AFF1: variants seen among roughly 807,000 people sequenced by gnomAD.
AFF1 encodes the protein ALF transcription elongation factor 1, also known as AF4/FMR2 family member 1.
Under a neutral mutation model 121.7 loss-of-function variants are expected in AFF1, and 48 were observed. The observed-to-expected ratio is 0.39, with a 90% CI of 0.31 to 0.50. The LOEUF is 0.50. Ranked by LOEUF, AFF1 falls within the 20% of genes least tolerant of loss-of-function variation. AFF1 has a pLI of 0.76. For missense variants in AFF1, 1,523 were observed against 1,511.7 expected (o/e 1.01, Z -0.12); for synonymous variants, 613 against 563.0 (o/e 1.09, Z -1.26).
chr4:87,063,263 G>A (rs1426825132), intron 4 of AFF1, among the ~76,000 whole-genome samples: 3 of 31,640 alleles, frequency 9.5e-5, no homozygotes, highest in African/African-American at 2.7e-4. Context: ...TTTTGAGACA[G>A]AGTTTTGCTC....
intron 2 of AFF1, among the ~76,000 whole-genome samples, chr4:87,027,784 G>GTTTTTTTT (rs35903702): frequency 2.0e-4 from 18 of 90,600 alleles, no homozygotes; most frequent in African/African-American, 2.2e-4. Context: ...TTGCTGTTGG[G>GTTTTTTTT]TTTTTTTTTT....
intron 2 of AFF1, among the ~76,000 whole-genome samples, chr4:87,009,760 A>G (rs1726543314): frequency 6.6e-6 from 1 of 152,234 alleles, no homozygotes; most frequent in Admixed American, 6.5e-5. Flanking sequence ...GAAACTCTAA[A>G]GCTGGGCCAC....
At chr4:86,967,672 ATAGG>A (rs1000195927) in intron 2 of AFF1, among the ~76,000 whole-genome samples, 3 of 151,542 alleles carry the variant, frequency 2.0e-5, no homozygotes, top group Non-Finnish European at 4.4e-5. Context: ...ATGAGAAAAG[ATAGG>A]TAGGTTGGAT....
chr4:87,029,106 A>G (rs2149578347), intron 2 of AFF1, among the ~76,000 whole-genome samples: 1 of 152,318 alleles, frequency 6.6e-6, no homozygotes, highest in Non-Finnish European at 1.5e-5. Context: ...TTTGTCAGAT[A>G]CCTGGATGCC....
chr4:87,049,679 G>A (rs1731082119), intron 4 of AFF1: 1 of 456,062 alleles, frequency 2.2e-6, no homozygotes, highest in African/African-American at 2.0e-5. Context: ...TAATGCGGTG[G>A]TTCCCTCTGG....
At position 87,084,164 on chromosome 4, in the gene AFF1, G is replaced by A; in HGVS notation, c.1104G>A (p.Lys368=). The A allele has an allele frequency of 6.2e-7, 1 of 1,613,552 alleles. No homozygotes were observed. Among genetic ancestry groups the A allele is most frequent in the Non-Finnish European group, 8.5e-7 (1 of 1,179,610 alleles). The change falls in exon 5 of 21, where the codon AAG becomes AAA. Residue 368 remains lysine (K), a splice_region_variant and synonymous_variant. Coordinates refer to ENST00000395146, the MANE Select transcript of AFF1 (RefSeq NM_001166693.3). Reference sequence around the variant, plus strand: ...TCCATTGTGTTGAAGAGATTCTGAAGGTGAGTTCACTGTTAATCTTTCTCA... The same window carrying A: ...TCCATTGTGTTGAAGAGATTCTGAAAGTGAGTTCACTGTTAATCTTTCTCA... ...NEVHCVEEIL[K]EMTHSWPPPL...
At chr4:87,130,493 T>C (rs1345432182) in intron 16 of AFF1, among the ~76,000 whole-genome samples, 4 of 152,192 alleles carry the variant, frequency 2.6e-5, no homozygotes, top group African/African-American at 9.7e-5. Flanking sequence ...CAATATCTGA[T>C]TTTGTTCATA....
At chr4:86,963,749 T>C (rs930557369) in intron 2 of AFF1, among the ~76,000 whole-genome samples, 2 of 152,052 alleles carry the variant, frequency 1.3e-5, no homozygotes, top group African/African-American at 2.4e-5. Flanking sequence ...TCTATTGATA[T>C]CTTAGTCATC....
At chr4:86,950,623 T>C (rs1721239542) in intron 2 of AFF1, among the ~76,000 whole-genome samples, 1 of 152,188 alleles carries the variant, frequency 6.6e-6, no homozygotes, top group East Asian at 1.9e-4. Flanking sequence ...CCATCCCAAA[T>C]GTTCTCCTAC....
chr4:86,963,353 G>C (rs1420335517), intron 2 of AFF1, among the ~76,000 whole-genome samples: 1 of 152,136 alleles, frequency 6.6e-6, no homozygotes, highest in East Asian at 1.9e-4. Context: ...CAAAGACTTT[G>C]TGGAGAGCCT....
chr4:86,978,301 A>G (rs2149487680), intron 2 of AFF1, among the ~76,000 whole-genome samples: 1 of 145,036 alleles, frequency 6.9e-6, no homozygotes, highest in South Asian at 2.2e-4. Flanking sequence ...CTCCTGCCTC[A>G]GCCTCCCGAA....
chr4:87,085,751 C>CTTT lies in AFF1; in HGVS notation c.1104+1600_1104+1602dup, dbSNP rs200938461. ...AGAAAGAACCTCTAGAGAAACATACCTTTTTTTTTTTTTTTGAGACAGAGT... is the reference window on the plus strand; with the variant it reads ...AGAAAGAACCTCTAGAGAAACATACCTTTTTTTTTTTTTTTTTTGAGACAGAGT... On this transcript the variant is annotated intron_variant, in intron 5 of 20. Coordinates refer to ENST00000395146, the MANE Select transcript of AFF1 (RefSeq NM_001166693.3). 5.1e-4 allele frequency among the ~76,000 whole-genome samples: 71 copies of CTTT among 139,108 alleles called. 1 individual carries two copies. The highest frequency in any genetic ancestry group is 8.3e-4 in the East Asian group (4 of 4,820). The allele number at this position is 139,108 out of a possible 152,430, so 91.3% of individuals were successfully genotyped here.
chr4:86,969,008 G>A (rs1226408458), intron 2 of AFF1, among the ~76,000 whole-genome samples: 1 of 152,186 alleles, frequency 6.6e-6, no homozygotes, highest in African/African-American at 2.4e-5. Context: ...GGGCCATTTT[G>A]TAGGAGCAGA....
intron 4 of AFF1, among the ~76,000 whole-genome samples, chr4:87,064,358 A>G (rs1000831978): frequency 6.6e-6 from 1 of 152,206 alleles, no homozygotes; most frequent in Non-Finnish European, 1.5e-5. Context: ...ATAGAGTAAG[A>G]TGGTTTTACA....
intron 20 of AFF1, 34 bp from the exon 21 acceptor site, chr4:87,135,546 T>A: frequency 1.3e-6 from 2 of 1,498,130 alleles, no homozygotes; most frequent in South Asian, 1.3e-5. Context: ...CTTGTGTATT[T>A]ACTTGTTTTT....
chr4:86,973,249 G>A (rs1402138993), intron 2 of AFF1, among the ~76,000 whole-genome samples: 2 of 152,136 alleles, frequency 1.3e-5, no homozygotes, highest in African/African-American at 2.4e-5. Context: ...GAGTGGATTA[G>A]CATTGGCAGA....
chr4:87,015,324 C>T (rs569353536), intron 2 of AFF1, among the ~76,000 whole-genome samples: 1 of 152,202 alleles, frequency 6.6e-6, no homozygotes, highest in East Asian at 1.9e-4. Context: ...CTTTGTACCA[C>T]AGGGGAAAAA....
intron 4 of AFF1, among the ~76,000 whole-genome samples, chr4:87,079,314 T>G (rs1722952249): frequency 6.6e-6 from 1 of 152,242 alleles, no homozygotes; most frequent in Non-Finnish European, 1.5e-5. Context: ...ACTGTCATGC[T>G]TAGAAGACAT....
chr4:87,022,069 G>T (rs1727952872), intron 2 of AFF1, among the ~76,000 whole-genome samples: 1 of 152,096 alleles, frequency 6.6e-6, no homozygotes, highest in African/African-American at 2.4e-5. Context: ...GCCAGGCGTG[G>T]TGGCGGGTGC....
Sources: allele counts gnomAD v4.1 joint callset (sites outside exome capture counted in the v4.1 genomes callset), GRCh38; gene constraint gnomAD v4.1.1; transcripts MANE v1.5; gene names NCBI Gene and HGNC (gene_info 2026-07-23, HGNC 2026-07-21).